METAP1: variants seen among roughly 807,000 people sequenced by gnomAD.
METAP1 encodes methionyl aminopeptidase 1, also known as methionine aminopeptidase 1.
METAP1 carries 28 observed loss-of-function variants against 53.8 expected under a neutral mutation model. The observed-to-expected ratio is 0.52, with a 90% CI of 0.39 to 0.71. METAP1 has a LOEUF of 0.71. Ranked by LOEUF, METAP1 falls within the 30% of genes least tolerant of loss-of-function variation. METAP1 has a pLI of 0.00. For synonymous variants in METAP1, 181 were observed against 165.7 expected (o/e 1.09, Z -0.71); for missense variants, 389 against 479.8 (o/e 0.81, Z 1.77).
intron 1 of METAP1, among the ~76,000 whole-genome samples, chr4:99,003,797 C>G (rs953972837): frequency 6.6e-6 from 1 of 152,166 alleles, no homozygotes; most frequent in Non-Finnish European, 1.5e-5. Context: ...CTCCTCACCA[C>G]CAAGCGAGCA....
At chr4:99,058,660 C>G (rs555882136) in intron 10 of METAP1, among the ~76,000 whole-genome samples, 27 of 152,298 alleles carry the variant, frequency 1.8e-4, no homozygotes, top group Non-Finnish European at 3.5e-4. Context: ...TCCTTCCAGT[C>G]TTTTTATAAC....
rs146626888 is a variant in METAP1 at position 99,053,090 on chromosome 4, C to T, written c.931+4214C>T. Among the ~76,000 whole-genome samples, 19 of 152,318 alleles carry T rather than the reference C, an allele frequency of 1.2e-4. 1 individual carries two copies. The highest frequency in any genetic ancestry group is 4.6e-4 in the African/African-American group (19 of 41,564). On this transcript the variant is annotated intron_variant, in intron 9 of 10. Coordinates refer to ENST00000296411, the MANE Select transcript of METAP1 (RefSeq NM_015143.3). ...ATTCTAGTTCTCTTGCTCTTTCCAC[C>T]ACATCTGCAGTTACTTGCTCCACTA...
chr4:99,060,406 C>T (rs1381086954), intron 10 of METAP1, among the ~76,000 whole-genome samples: 1 of 149,666 alleles, frequency 6.7e-6, no homozygotes, highest in Non-Finnish European at 1.5e-5. Flanking sequence ...GTCTGTCGCC[C>T]AGGCTGGAAT....
At chr4:99,000,311 A>T (rs529389793) in intron 1 of METAP1, among the ~76,000 whole-genome samples, 1 of 152,328 alleles carries the variant, frequency 6.6e-6, no homozygotes, top group South Asian at 2.1e-4. Context: ...TATATTTATA[A>T]GGCATAAAAG....
intron 5 of METAP1, among the ~76,000 whole-genome samples, chr4:99,039,796 G>A (rs1725718900): frequency 6.6e-6 from 1 of 152,084 alleles, no homozygotes; most frequent in Non-Finnish European, 1.5e-5. Flanking sequence ...GTTTCACCAT[G>A]TTGCCCAGGC....
chr4:98,997,284 G>A (rs1376421229), intron 1 of METAP1: 1 of 152,708 alleles, frequency 6.5e-6, no homozygotes, highest in Admixed American at 6.5e-5. Context: ...GTGTTATACA[G>A]TCTTGTTTTT....
intron 1 of METAP1, among the ~76,000 whole-genome samples, chr4:99,011,541 G>C (rs1230175): frequency 3.9e-5 from 6 of 152,048 alleles, no homozygotes; most frequent in Admixed American, 6.5e-5. Context: ...GTGTGCTATT[G>C]AATTTATTTG....
chr4:99,047,836 G>A (rs1049369295), intron 8 of METAP1, among the ~76,000 whole-genome samples: 3 of 152,144 alleles, frequency 2.0e-5, no homozygotes, highest in African/African-American at 4.8e-5. Context: ...TGAAACACTA[G>A]TAAAAGTCAT....
At chr4:99,053,131 A>G (rs1726834891) in intron 9 of METAP1, among the ~76,000 whole-genome samples, 1 of 152,200 alleles carries the variant, frequency 6.6e-6, no homozygotes, top group East Asian at 1.9e-4. Context: ...CAAACTCCTC[A>G]TAGTCATCCA....
chr4:99,040,978 G>A (rs1307358783), intron 5 of METAP1, 65 bp from the exon 6 acceptor site: 7 of 1,068,488 alleles, frequency 6.6e-6, no homozygotes, highest in Non-Finnish European at 6.9e-6. Context: ...CAGTCAAACA[G>A]TAGAAAGGGT....
chr4:99,005,806 A>G (rs935225300), intron 1 of METAP1: 32 of 428,772 alleles, frequency 7.5e-5, no homozygotes, highest in African/African-American at 4.5e-4. Flanking sequence ...TTCTAAGTGA[A>G]GTAACTCTGG....
intron 9 of METAP1, among the ~76,000 whole-genome samples, chr4:99,051,127 T>C (rs775453379): frequency 2.6e-5 from 4 of 152,118 alleles, no homozygotes; most frequent in Non-Finnish European, 4.4e-5. Flanking sequence ...TGTAAGAGTA[T>C]GTGCAGGGGA....
intron 1 of METAP1, among the ~76,000 whole-genome samples, chr4:99,016,889 CT>C (rs1723798584): frequency 6.6e-6 from 1 of 152,152 alleles, no homozygotes; most frequent in Non-Finnish European, 1.5e-5. Context: ...GACAGAACTT[CT>C]TTCATAAGGG....
chr4:99,020,436 C>T (rs1458420873), intron 1 of METAP1, among the ~76,000 whole-genome samples: 3 of 152,172 alleles, frequency 2.0e-5, no homozygotes, highest in South Asian at 2.1e-4. Flanking sequence ...TTCTATCTCT[C>T]TCTGAAGCCC....
chr4:99,012,506 G>A (rs751652042), intron 1 of METAP1, among the ~76,000 whole-genome samples: 10 of 151,896 alleles, frequency 6.6e-5, no homozygotes, highest in Non-Finnish European at 7.4e-5. Context: ...AACTGCTGAC[G>A]TCAGGTGATC....
intron 1 of METAP1, among the ~76,000 whole-genome samples, chr4:99,024,424 T>C (rs1036830216): frequency 1.3e-5 from 2 of 152,060 alleles, no homozygotes; most frequent in African/African-American, 4.8e-5. Context: ...GGATCAGAGT[T>C]TTTACGGATA....
chr4:99,032,681 A>G (rs1340478492), intron 2 of METAP1, among the ~76,000 whole-genome samples: 1 of 152,084 alleles, frequency 6.6e-6, no homozygotes. Context: ...TTTCTCTCCT[A>G]GGTTTTGGGA....
chr4:99,037,263 C>G (rs964571803), intron 4 of METAP1, among the ~76,000 whole-genome samples: 1 of 150,768 alleles, frequency 6.6e-6, no homozygotes, highest in South Asian at 2.1e-4. Context: ...ACCAATTGAC[C>G]GTTTGTTTTG....
chr4:99,061,426 A>G lies in METAP1; in HGVS notation c.*109A>G, dbSNP rs181684369. 1.0e-4 allele frequency: 113 copies of G among 1,083,750 alleles called. 2 individuals are homozygous for G. The Admixed American group carries it at 2.8e-3, about 27-fold the overall frequency. The allele number at this position is 1,083,750 out of a possible 1,614,324, so 67.1% of individuals were successfully genotyped here. A position where few individuals can be genotyped will look rare whatever the true frequency, so the allele number is the denominator to read the frequency against. On this transcript the variant is annotated 3_prime_UTR_variant, in exon 11 of 11. Transcript: ENST00000296411. ...TTTAATCACTTGTTTTGTTTTGACT[A>G]TAGATAAGAAAGGACTACAGCATTT... is the stretch of plus-strand genomic sequence containing the variant.
Sources: allele counts gnomAD v4.1 joint callset (sites outside exome capture counted in the v4.1 genomes callset), GRCh38; gene constraint gnomAD v4.1.1; transcripts MANE v1.5; gene names NCBI Gene and HGNC (gene_info 2026-07-23, HGNC 2026-07-21).